The following FASTKD1 variants were observed in gnomAD, a reference collection of about 807,000 sequenced individuals.
FASTKD1 encodes FAST kinase domain-containing protein 1, mitochondrial.
A neutral mutation model predicts 90.9 loss-of-function variants in FASTKD1; 94 were observed. The ratio of observed to expected loss-of-function variants is 1.03; its 90% CI spans 0.88 to 1.23. The LOEUF is 1.23. Among genes scored for constraint, FASTKD1 ranks in the 50% most tolerant of loss-of-function variants. FASTKD1 has a pLI of 0.00. For missense variants in FASTKD1, 945 were observed against 993.5 expected (o/e 0.95, Z 0.66); for synonymous variants, 319 against 345.8 (o/e 0.92, Z 0.86).
At chr2:169,549,975 A>C (rs1465925291) in intron 7 of FASTKD1, among the ~76,000 whole-genome samples, 1 of 152,200 alleles carries the variant, frequency 6.6e-6, no homozygotes, top group East Asian at 1.9e-4. Flanking sequence ...CTGTCTGGGA[A>C]ACTAACCTAA....
At chr2:169,551,142 TTGGCACGGATA>T (rs1332815616) in intron 7 of FASTKD1, among the ~76,000 whole-genome samples, 1 of 152,154 alleles carries the variant, frequency 6.6e-6, no homozygotes, top group Admixed American at 6.5e-5. Flanking sequence ...ATATCGAGTG[TTGGCACGGATA>T]TGGAGCAATA....
intron 12 of FASTKD1, among the ~76,000 whole-genome samples, chr2:169,534,907 T>C (rs1161388762): frequency 6.6e-6 from 1 of 152,036 alleles, no homozygotes; most frequent in Non-Finnish European, 1.5e-5. Flanking sequence ...ACAGCGGCTA[T>C]ATCATGGGTA....
At position 169,542,241 on chromosome 2, in the gene FASTKD1, T is replaced by C. The variant is rs957216187; in HGVS notation, c.1817-2062A>G. Among the ~76,000 whole-genome samples the C allele has an allele frequency of 7.9e-5, 12 of 152,200 alleles. No homozygotes were observed. The East Asian group carries it at 2.3e-3, about 29-fold the overall frequency. The stretch of plus-strand genomic sequence containing the variant: ...GTTTATCTGTTTTTACTCTCTCCTG[T>C]ATCTCCAGCGCCTAGAAGAATACCT... On this transcript the variant is annotated intron_variant, in intron 9 of 14. Coordinates refer to ENST00000453153, the MANE Select transcript of FASTKD1 (RefSeq NM_024622.6).
chr2:169,565,150 C>A (rs1289795884), intron 3 of FASTKD1, among the ~76,000 whole-genome samples: 1 of 146,234 alleles, frequency 6.8e-6, no homozygotes, highest in Non-Finnish European at 1.5e-5. Flanking sequence ...GACAGGGTTT[C>A]TCCATGTTGA....
At chr2:169,530,740 A>G (rs776713638) in intron 13 of FASTKD1, 39 bp from the exon 14 acceptor site, 1 of 1,063,740 alleles carries the variant, frequency 9.4e-7, no homozygotes, top group Non-Finnish European at 1.4e-6. Flanking sequence ...TAAAATCAGA[A>G]TAAGAAACTG....
chr2:169,555,645 T>C (rs1406667661), intron 6 of FASTKD1, among the ~76,000 whole-genome samples: 1 of 151,768 alleles, frequency 6.6e-6, no homozygotes, highest in Non-Finnish European at 1.5e-5. Context: ...GGCCCTCAAA[T>C]GAAGATGCTT....
intron 5 of FASTKD1, among the ~76,000 whole-genome samples, chr2:169,559,543 GA>G (rs1683488836): frequency 3.3e-5 from 5 of 152,160 alleles, no homozygotes; most frequent in African/African-American, 1.2e-4. Context: ...TGATCCTCAT[GA>G]GTAGCTGGGA....
In FASTKD1 at chr2:169,571,766, A is replaced by ATT; in HGVS notation, c.262_263dup (p.Asn88LysfsTer18). On this transcript the variant is annotated frameshift_variant, in exon 2 of 15. Coordinates refer to ENST00000453153, the MANE Select transcript of FASTKD1 (RefSeq NM_024622.6). LOFTEE classifies it high-confidence loss of function. The stretch of plus-strand genomic sequence containing the variant: ...GAGGATGGTCTCTGACATACTCAGC[A>ATT]TTTTTTAACAGGCTGGTCTTCTGCT... 6.2e-7 allele frequency: 1 copy of ATT among 1,614,070 alleles called. No individual in the cohort carries two copies. The highest frequency in any genetic ancestry group is 8.5e-7 in the Non-Finnish European group (1 of 1,179,974).
Position 169,544,848 on chromosome 2 carries a change from A to G in FASTKD1, c.1702-13T>C, listed in dbSNP as rs756397050. 1 of 1,463,734 alleles carries G rather than the reference A, an allele frequency of 6.8e-7. No homozygotes were observed. Among genetic ancestry groups the G allele is most frequent in the Non-Finnish European group, 9.4e-7 (1 of 1,065,214 alleles). 90.7% of individuals were successfully genotyped at this position (1,463,734 alleles called of 1,614,324 possible). ...TAAAAGGATGGATCTGTATAAAAAG[A>G]ACAAAAAATTTATAGTTTAAACTTT... is the stretch of plus-strand genomic sequence containing the variant. On this transcript the variant is annotated splice_polypyrimidine_tract_variant and intron_variant, in intron 8 of 14. Coordinates refer to ENST00000453153, the MANE Select transcript of FASTKD1 (RefSeq NM_024622.6).
In FASTKD1 at chr2:169,531,483, C is replaced by A. The variant is rs1289604067; in HGVS notation, c.2196G>T (p.Glu732Asp). ...LTPYYHKVDF[E>D]CILDKRKKPL... Reference sequence around the variant, plus strand: ...GTTTTTTTCTTTTATCCAAGATACACTCAAAATCTTAAGGAAGCATAGAAA... The same window carrying A: ...GTTTTTTTCTTTTATCCAAGATACAATCAAAATCTTAAGGAAGCATAGAAA... The change falls in exon 13 of 15, where the codon GAG (glutamate) becomes GAT (aspartate). Residue 732 changes from glutamate (E) to aspartate (D), a missense_variant. By Grantham distance (45) the Glu-to-Asp change is conservative. Transcript: ENST00000453153. 1 of 1,601,982 alleles carries A rather than the reference C, an allele frequency of 6.2e-7. No homozygotes were observed. The highest frequency in any genetic ancestry group is 1.3e-5 in the African/African-American group (1 of 74,090).
At position 169,560,451 on chromosome 2, in the gene FASTKD1, G is replaced by C. The variant is rs757793276; in HGVS notation, c.907C>G (p.Pro303Ala). The part of the protein sequence containing the change: ...LTEMIPLCNH[P>A]ASFVKLFVAL... Reference sequence around the variant, plus strand: ...ACAAACAATTTTACAAAGCTAGCAGGATGATTACACAGAGGAATCATTTCA... The same window carrying C: ...ACAAACAATTTTACAAAGCTAGCAGCATGATTACACAGAGGAATCATTTCA... The change falls in exon 5 of 15, where the codon CCT becomes GCT. Residue 303 changes from proline to alanine, a missense_variant. Physicochemically the swap from Pro to Ala is conservative, Grantham distance 27 (BLOSUM62 -1). Transcript: ENST00000453153. 1.3e-6 allele frequency: 2 copies of C among 1,585,940 alleles called. No individual in the cohort carries two copies. Among genetic ancestry groups the C allele is most frequent in the East Asian group, 4.5e-5 (2 of 44,604 alleles).
chr2:169,546,293 A>T lies in FASTKD1; in HGVS notation c.1626T>A (p.Phe542Leu), dbSNP rs747804603. 6.2e-7 allele frequency: 1 copy of T among 1,613,830 alleles called. No individual in the cohort carries two copies. The highest frequency in any genetic ancestry group is 1.1e-5 in the South Asian group (1 of 91,042). The change falls in exon 8 of 15, where the codon TTT becomes TTA. Residue 542 changes from phenylalanine (F) to leucine (L), a missense_variant. By Grantham distance (22) the Phe-to-Leu change is conservative (BLOSUM62 0). Coordinates refer to ENST00000453153, the MANE Select transcript of FASTKD1 (RefSeq NM_024622.6). ...TACTGAGGTAATCAGTACTAGAAAT[A>T]AAAGATGCAATCTCCCCAACATTTA... ...NYINVGEIAS[F>L]ISSTDYLSTL...
chr2:169,537,373 A>T, intron 11 of FASTKD1, 33 bp from the exon 12 acceptor site: 1 of 1,396,084 alleles, frequency 7.2e-7, no homozygotes, highest in Non-Finnish European at 9.9e-7. Flanking sequence ...AGTCTACTTA[A>T]TCTTTTTTTT....
chr2:169,564,568 T>G (rs966395414), intron 3 of FASTKD1, among the ~76,000 whole-genome samples: 3 of 152,114 alleles, frequency 2.0e-5, no homozygotes, highest in Admixed American at 6.6e-5. Flanking sequence ...ATCCTTTGAG[T>G]TACAAACAAT....
intron 12 of FASTKD1, among the ~76,000 whole-genome samples, chr2:169,531,990 C>T (rs896765641): frequency 1.3e-5 from 2 of 152,138 alleles, no homozygotes; most frequent in African/African-American, 4.8e-5. Context: ...ACTTTACCAC[C>T]CCTCTGAATG....
intron 13 of FASTKD1, 92 bp downstream of exon 13, chr2:169,531,258 CCA>C: frequency 7.7e-7 from 1 of 1,297,438 alleles, no homozygotes; most frequent in Non-Finnish European, 1.1e-6. Context: ...GGAACAGATT[CCA>C]CTACCTTCAA....
intron 7 of FASTKD1, among the ~76,000 whole-genome samples, chr2:169,550,188 C>T (rs965696740): frequency 2.6e-5 from 4 of 151,852 alleles, no homozygotes; most frequent in African/African-American, 9.7e-5. Flanking sequence ...TTTTACATGG[C>T]TAAAATGTGA....
chr2:169,538,780 A>G (rs1307171068), intron 10 of FASTKD1, among the ~76,000 whole-genome samples: 3 of 152,054 alleles, frequency 2.0e-5, no homozygotes, highest in African/African-American at 4.8e-5. Flanking sequence ...ATAACAAATC[A>G]TTACTTACAA....
intron 3 of FASTKD1, among the ~76,000 whole-genome samples, chr2:169,565,249 CTTTTTTTTT>C (rs71003101): frequency 6.4e-4 from 17 of 26,546 alleles, no homozygotes; most frequent in African/African-American, 1.2e-3. Context: ...CCACACCAGG[CTTTTTTTTT>C]TTTTTTTTTT....
Sources: gnomAD v4.1 joint callset for allele counts (sites outside exome capture counted in the v4.1 genomes callset) on GRCh38, gnomAD v4.1.1 for gene constraint, MANE v1.5 for transcripts, NCBI Gene and HGNC (gene_info 2026-07-23, HGNC 2026-07-21) for gene names.